Variants in SLC38A8 observed in about 807,000 individuals in gnomAD.
SLC38A8 encodes amino acid transporter SLC38A8.
In SLC38A8, 65 loss-of-function variants were observed where a neutral mutation model predicts 46.0. The observed-to-expected ratio is 1.41, with a 90% CI of 1.16 to 1.74. The LOEUF is 1.74. SLC38A8 is among the 40% of genes most tolerant of loss of function. The probability of loss-of-function intolerance (pLI) is 0.00; values close to 1 mark genes in which losing one functional copy is unlikely to be tolerated. For synonymous variants in SLC38A8, 447 were observed against 243.7 expected (o/e 1.83, Z -7.77); for missense variants, 998 against 567.9 (o/e 1.76, Z -7.70).
chr16:84,026,939 C>T (rs1006189813), intron 6 of SLC38A8, among the ~76,000 whole-genome samples: 7 of 152,156 alleles, frequency 4.6e-5, no homozygotes, highest in Admixed American at 4.6e-4. Flanking sequence ...GAAAGGTTCT[C>T]AATTGACTGT....
chr16:84,025,240 A>C (rs80278683), intron 6 of SLC38A8, among the ~76,000 whole-genome samples: 8,652 of 151,488 alleles, frequency 0.057, 856 homozygotes, highest in African/African-American at 0.2. Context: ...CCACTCTCTC[A>C]CTCCTGGCCA....
rs1224624567 is a variant in SLC38A8 at position 84,042,020 on chromosome 16, G to A, written c.138C>T (p.Pro46=). Residue 46 remains proline (P), a synonymous_variant, in exon 2 of 11, where the codon CCC becomes CCT. Transcript: ENST00000299709. ...SALGAGLLNF[P]WAFSKAGGVV... Reference sequence around the variant, plus strand: ...CTCCGCCCGCTTTGGAGAAGGCCCAGGGGAAGTTGAGCAGGCCAGCTCCCA... The same window carrying A: ...CTCCGCCCGCTTTGGAGAAGGCCCAAGGGAAGTTGAGCAGGCCAGCTCCCA... 2 of 1,613,314 alleles carry A rather than the reference G, an allele frequency of 1.2e-6. No homozygotes were observed. Among genetic ancestry groups the A allele is most frequent in the East Asian group, 2.2e-5 (1 of 44,856 alleles).
At chr16:84,026,384 GC>G (rs969634281) in intron 6 of SLC38A8, among the ~76,000 whole-genome samples, 3 of 152,206 alleles carry the variant, frequency 2.0e-5, no homozygotes, top group African/African-American at 7.2e-5. Context: ...GCACCGCCAT[GC>G]CCGGCTAATT....
At chr16:84,011,623 T>C (rs2084954713) in intron 10 of SLC38A8, among the ~76,000 whole-genome samples, 1 of 152,222 alleles carries the variant, frequency 6.6e-6, no homozygotes, top group African/African-American at 2.4e-5. Context: ...CTTGCCAGCT[T>C]ATCTGGAAAC....
Position 84,032,753 on chromosome 16 carries a change from C to G in SLC38A8, c.530+575G>C, listed in dbSNP as rs193039644. 6.5e-4 allele frequency among the ~76,000 whole-genome samples: 99 copies of G among 152,330 alleles called. 1 individual carries two copies. The highest frequency in any genetic ancestry group is 5.8e-3 in the Admixed American group (89 of 15,308). On this transcript the variant is annotated intron_variant, in intron 4 of 10. Transcript: ENST00000299709. ...TTGTTCATACACAACAGGGAAAAGG[C>G]AGGCAGCAGAGGGAGATGGATACTG...
chr16:84,037,385 C>A (rs114843568), intron 2 of SLC38A8, among the ~76,000 whole-genome samples: 1 of 145,958 alleles, frequency 6.9e-6, no homozygotes, highest in African/African-American at 2.5e-5. Context: ...GGCGGCACCG[C>A]CCCCTTGCAG....
Position 84,036,819 on chromosome 16 carries a change from C to T in SLC38A8, c.271G>A (p.Val91Met), listed in dbSNP as rs2085305051. The change falls in exon 3 of 11, where the codon GTG becomes ATG. Residue 91 changes from valine to methionine, a missense_variant. Transcript: ENST00000299709. ...GCAGGGCCACACAGCCCCCTGACCA[C>T]ACCCTGGTAGGTGGCCTGGCCACTG... ...AVSGQATYQG[V>M]VRGLCGPAIG... is the part of the protein sequence containing the mutation. The T allele has an allele frequency of 5.6e-6, 9 of 1,614,072 alleles. No homozygotes were observed. The highest frequency in any genetic ancestry group is 7.6e-6 in the Non-Finnish European group (9 of 1,180,018).
At position 84,033,482 on chromosome 16, in the gene SLC38A8, C is replaced by A. The variant is rs1041913349; in HGVS notation, c.389-13G>T. On this transcript the variant is annotated splice_polypyrimidine_tract_variant and intron_variant, in intron 3 of 10. Transcript: ENST00000299709. Reference sequence around the variant, plus strand: ...AGGGAGTCACACACTGCCAGAGACACGGGGAGAGCTGAGCCACAGAGTACA... The same window carrying A: ...AGGGAGTCACACACTGCCAGAGACAAGGGGAGAGCTGAGCCACAGAGTACA... 1.3e-6 allele frequency: 2 copies of A among 1,585,906 alleles called. No homozygotes were observed. Among genetic ancestry groups the A allele is most frequent in the Non-Finnish European group, 1.7e-6 (2 of 1,166,778 alleles).
chr16:84,037,231 G>C (rs1453171664), intron 2 of SLC38A8, among the ~76,000 whole-genome samples: 1 of 152,236 alleles, frequency 6.6e-6, no homozygotes, highest in African/African-American at 2.4e-5. Flanking sequence ...AAATCGCCTG[G>C]GCTGTGGGTG....
At chr16:84,024,590 G>A (rs529832536) in intron 6 of SLC38A8, among the ~76,000 whole-genome samples, 1 of 152,132 alleles carries the variant, frequency 6.6e-6, no homozygotes, top group African/African-American at 2.4e-5. Flanking sequence ...AGACCAGCCT[G>A]GCCAACATGG....
Position 84,023,164 on chromosome 16 carries a change from G to C in SLC38A8, c.691-275C>G, listed in dbSNP as rs74032397. Among the ~76,000 whole-genome samples, 498 of 151,888 alleles carry C rather than the reference G, an allele frequency of 3.3e-3. 1 individual carries two copies. Among genetic ancestry groups the C allele is most frequent in the African/African-American group, 0.011 (471 of 41,414 alleles). On this transcript the variant is annotated intron_variant, in intron 6 of 10. Coordinates refer to ENST00000299709, the MANE Select transcript of SLC38A8 (RefSeq NM_001080442.3). ...CCTTTCCTTATTTTTTAAAAAACTA[G>C]CTCTCTAGCTCATTACAAACACCCA...
chr16:84,019,150 C>A (rs1468430078), intron 7 of SLC38A8, among the ~76,000 whole-genome samples: 1 of 152,056 alleles, frequency 6.6e-6, no homozygotes, highest in African/African-American at 2.4e-5. Context: ...TCTCGACTCA[C>A]TGCAACCTGT....
Position 84,013,161 on chromosome 16 carries a change from C to G in SLC38A8, c.1163-109G>C, listed in dbSNP as rs1316828637. ...CCAGGAGGCCAGCAAGGCCTCCGCC[C>G]ATGGGTGCCCCTGGCTCAGGCCCCC... On this transcript the variant is annotated intron_variant, in intron 9 of 10. Transcript: ENST00000299709. 7 of 1,264,406 alleles carry G rather than the reference C, an allele frequency of 5.5e-6. No individual in the cohort carries two copies. In the East Asian group the frequency reaches 1.4e-4, roughly 25 times the overall value. 78.3% of individuals were successfully genotyped at this position (1,264,406 alleles called of 1,614,324 possible).
At chr16:84,027,974 G>C (rs1014539872) in intron 6 of SLC38A8, among the ~76,000 whole-genome samples, 1 of 152,118 alleles carries the variant, frequency 6.6e-6, no homozygotes, top group African/African-American at 2.4e-5. Flanking sequence ...GAAATCCACA[G>C]AAGTGGCTTG....
rs140908640 is a variant in SLC38A8, at chr16:84,029,670, G to T, written c.633-119C>A. On this transcript the variant is annotated intron_variant, in intron 5 of 10. Coordinates refer to ENST00000299709, the MANE Select transcript of SLC38A8 (RefSeq NM_001080442.3). Reference sequence around the variant, plus strand: ...ATGTAACAGAGCATGGCTGCAAGATGTATTTTTAATGACTGTGTCCGTGAC... The same window carrying T: ...ATGTAACAGAGCATGGCTGCAAGATTTATTTTTAATGACTGTGTCCGTGAC... 74 of 1,006,040 alleles carry T rather than the reference G, an allele frequency of 7.4e-5. No homozygotes were observed. In the Middle Eastern group the frequency reaches 8.4e-4, roughly 11 times the overall value. 62.3% of individuals were successfully genotyped at this position (1,006,040 alleles called of 1,614,324 possible). A position where few individuals can be genotyped will look rare whatever the true frequency, so the allele number is the denominator to read the frequency against.
chr16:84,014,814 A>G (rs936370851), intron 9 of SLC38A8, among the ~76,000 whole-genome samples: 2 of 152,078 alleles, frequency 1.3e-5, no homozygotes, highest in Non-Finnish European at 2.9e-5. Context: ...TTCATATTCC[A>G]CACATCAGTT....
intron 6 of SLC38A8, among the ~76,000 whole-genome samples, chr16:84,027,001 T>C (rs914267929): frequency 6.6e-6 from 1 of 152,132 alleles, no homozygotes. Flanking sequence ...ACTGCACACT[T>C]CAGAAGGGTG....
At chr16:84,030,296 A>T (rs1256107786) in intron 5 of SLC38A8, among the ~76,000 whole-genome samples, 1 of 152,146 alleles carries the variant, frequency 6.6e-6, no homozygotes, top group Non-Finnish European at 1.5e-5. Flanking sequence ...ATCACTTGTC[A>T]CAACAGCCCT....
intron 3 of SLC38A8, 70 bp from the exon 4 acceptor site, chr16:84,033,539 C>T: frequency 2.7e-6 from 4 of 1,494,148 alleles, no homozygotes; most frequent in South Asian, 1.3e-5. Context: ...CCACCTGGCC[C>T]TTCAACCCTG....
Sources: allele counts gnomAD v4.1 joint callset (sites outside exome capture counted in the v4.1 genomes callset), GRCh38; gene constraint gnomAD v4.1.1; transcripts MANE v1.5; gene names NCBI Gene and HGNC (gene_info 2026-07-23, HGNC 2026-07-21).